KLHL21: variants seen among roughly 807,000 people sequenced by gnomAD.
The protein encoded by KLHL21 is kelch like family member 21.
In KLHL21, 42 loss-of-function variants were observed where a neutral mutation model predicts 44.1. The ratio of observed to expected loss-of-function variants is 0.95; its 90% CI spans 0.74 to 1.23. The LOEUF is 1.23. KLHL21 is among the 50% of genes most tolerant of loss of function. The pLI, the probability that KLHL21 is intolerant of heterozygous loss-of-function variation, is 0.00. For synonymous variants in KLHL21, 524 were observed against 411.6 expected, an observed-to-expected ratio of 1.27 and a Z score of -3.31; for missense variants, 918 against 889.1, an observed-to-expected ratio of 1.03 and a Z score of -0.41.
chr1:6,601,651 A>C, intron 1 of KLHL21, 146 bp downstream of exon 1: 9 of 1,292,178 alleles, frequency 7.0e-6, no homozygotes, highest in South Asian at 1.7e-5. Context: ...AGTATCGCCC[A>C]GAGACATGTA....
Position 6,596,906 on chromosome 1 carries a change from C to T in KLHL21, c.1428-1349G>A, listed in dbSNP as rs188711964. ...GGCTGTGGCCTCCCTGAGAATGGCA[C>T]GTCCTAGGCACAAGCTGCCCAAAGA... On this transcript the variant is annotated intron_variant, in intron 2 of 3. Coordinates refer to ENST00000377658, the MANE Select transcript of KLHL21 (RefSeq NM_014851.4). Among the ~76,000 whole-genome samples the T allele has an allele frequency of 2.5e-3, 381 of 152,336 alleles. 1 individual carries two copies. Among genetic ancestry groups the T allele is most frequent in the African/African-American group, 5.9e-3 (246 of 41,582 alleles).
intron 2 of KLHL21, among the ~76,000 whole-genome samples, chr1:6,598,793 G>A (rs1640965207): frequency 1.3e-5 from 2 of 152,250 alleles, no homozygotes. Context: ...TGAGGCAGGA[G>A]AATGGCGTGA....
At chr1:6,597,075 C>T (rs193280614) in intron 2 of KLHL21, among the ~76,000 whole-genome samples, 1 of 152,372 alleles carries the variant, frequency 6.6e-6, no homozygotes, top group Non-Finnish European at 1.5e-5. Context: ...GCTCAAGCAG[C>T]TTCCACTCAG....
chr1:6,591,005 T>G lies in KLHL21; in HGVS notation c.*2360A>C, dbSNP rs1640840599. 5.0e-6 allele frequency: 2 copies of G among 398,580 alleles called. No homozygotes were observed. Among genetic ancestry groups the G allele is most frequent in the African/African-American group, 4.1e-5 (2 of 48,648 alleles). 24.7% of individuals were successfully genotyped at this position (398,580 alleles called of 1,614,324 possible). On this transcript the variant is annotated 3_prime_UTR_variant, in exon 4 of 4. Transcript: ENST00000377658. ...TGCTGTAGACAAAGTTCTGTACATG[T>G]AACATGTGGCCATGCCCAGGCATCC...
In KLHL21 at chr1:6,593,239, C is replaced by T; in HGVS notation, c.*126G>A. 1 of 1,067,614 alleles carries T rather than the reference C, an allele frequency of 9.4e-7. No individual in the cohort carries two copies. Among genetic ancestry groups the T allele is most frequent in the Non-Finnish European group, 1.3e-6 (1 of 757,812 alleles). The allele number at this position is 1,067,614 out of a possible 1,614,324, so 66.1% of individuals were successfully genotyped here. ...TTCCAGGTAATGGATCCTGGGCTGG[C>T]TTCGCCACCCAAGAGCCTGTGCTCC... On this transcript the variant is annotated 3_prime_UTR_variant, in exon 4 of 4. Transcript: ENST00000377658.
Position 6,599,310 on chromosome 1 carries a change from G to A in KLHL21, c.1164C>T (p.Ala388=), listed in dbSNP as rs754369822. The A allele has an allele frequency of 3.1e-6, 5 of 1,613,934 alleles. No individual in the cohort carries two copies. The highest frequency in any genetic ancestry group is 4.5e-5 in the East Asian group (2 of 44,876). ...GGTCATAGCGCTCGGTGCTGTCGGC[G>A]GCCACCACGTACAGCAGTCCGTCCA... ...SVLDGLLYVV[A]ADSTERYDHT... The change falls in exon 2 of 4, where the codon GCC becomes GCT. Residue 388 remains alanine, a synonymous_variant. Transcript: ENST00000377658.
intron 1 of KLHL21, among the ~76,000 whole-genome samples, chr1:6,600,441 A>AC (rs1185839611): frequency 3.3e-5 from 5 of 152,278 alleles, no homozygotes; most frequent in African/African-American, 7.2e-5. Context: ...ACATGAAGGG[A>AC]CCCCAAGCAT....
intron 3 of KLHL21, chr1:6,594,639 G>A (rs1395951380): frequency 6.6e-6 from 1 of 152,150 alleles, no homozygotes; most frequent in Non-Finnish European, 1.5e-5. Context: ...CTGGGAGATG[G>A]AGCTTGCAGT....
Position 6,602,186 on chromosome 1 carries a change from G to A in KLHL21, c.632C>T (p.Pro211Leu), listed in dbSNP as rs1217866509. ...LALRWVRADP[P>L]RRAAHWPQLL... ...CTGCGGCCAGTGCGCGGCGCGGCGC[G>A]GCGGGTCAGCGCGGACCCAGCGCAG... Residue 211 changes from proline (P) to leucine (L), a missense_variant, in exon 1 of 4, where the codon CCG (proline) becomes CTG (leucine). Pro to Leu is a moderately conservative substitution (Grantham distance 98, BLOSUM62 -3). Transcript: ENST00000377658. The A allele has an allele frequency of 2.8e-6, 4 of 1,442,306 alleles. No individual in the cohort carries two copies. In the Admixed American group the frequency reaches 9.0e-5, roughly 32 times the overall value. The allele number at this position is 1,442,306 out of a possible 1,614,324, so 89.3% of individuals were successfully genotyped here. A position where few individuals can be genotyped will look rare whatever the true frequency, so the allele number is the denominator to read the frequency against.
At position 6,599,263 on chromosome 1, in the gene KLHL21, G is replaced by A. The variant is rs1640976330; in HGVS notation, c.1211C>T (p.Ala404Val). Residue 404 changes from alanine (A) to valine (V), a missense_variant, in exon 2 of 4, where the codon GCC (alanine) becomes GTC (valine). Ala to Val is a moderately conservative substitution (Grantham distance 64). Coordinates refer to ENST00000377658, the MANE Select transcript of KLHL21 (RefSeq NM_014851.4). ...RYDHTTDSWE[A>V]LQPMTYPMDN... ...CATGGGGTAGGTCATGGGCTGCAGG[G>A]CCTCCCAGGAGTCAGTGGTGTGGTC... 2 of 1,614,092 alleles carry A rather than the reference G, an allele frequency of 1.2e-6. No homozygotes were observed. The highest frequency in any genetic ancestry group is 2.2e-5 in the South Asian group (2 of 91,090).
intron 2 of KLHL21, among the ~76,000 whole-genome samples, chr1:6,596,544 G>A (rs946698741): frequency 6.6e-6 from 1 of 152,248 alleles, no homozygotes; most frequent in African/African-American, 2.4e-5. Context: ...GAGCCTGGCT[G>A]TGTGCCAAGA....
At position 6,601,748 on chromosome 1, in the gene KLHL21, C is replaced by G. The variant is rs911007679; in HGVS notation, c.1021+49G>C. On this transcript the variant is annotated intron_variant, in intron 1 of 3. Coordinates refer to ENST00000377658, the MANE Select transcript of KLHL21 (RefSeq NM_014851.4). ...CCCCGCGAATAGCTGGGCTCCCGTA[C>G]CGGCGAGGTTCAACCCCAGAGAGCC... The G allele has an allele frequency of 4.0e-6, 6 of 1,484,698 alleles. No individual in the cohort carries two copies. In the African/African-American group the frequency reaches 5.6e-5, roughly 14 times the overall value. The allele number at this position is 1,484,698 out of a possible 1,614,324, so 92.0% of individuals were successfully genotyped here. A position where few individuals can be genotyped will look rare whatever the true frequency, so the allele number is the denominator to read the frequency against.
intron 2 of KLHL21, among the ~76,000 whole-genome samples, chr1:6,596,470 AAAC>A (rs1254603629): frequency 2.0e-5 from 3 of 152,352 alleles, no homozygotes; most frequent in East Asian, 1.9e-4. Context: ...ACTACAAGAC[AAAC>A]AACAGTAGTT....
At chr1:6,598,210 CGAT>C (rs1640955026) in intron 2 of KLHL21, among the ~76,000 whole-genome samples, 1 of 152,100 alleles carries the variant, frequency 6.6e-6, no homozygotes, top group Non-Finnish European at 1.5e-5. Context: ...AAATGTGAGA[CGAT>C]TGTTTGAAGC....
rs761707240 is a variant in KLHL21 at position 6,602,405 on chromosome 1, C to T, written c.413G>A (p.Cys138Tyr). The T allele has an allele frequency of 6.3e-7, 1 of 1,596,490 alleles. No individual in the cohort carries two copies. Among genetic ancestry groups the T allele is most frequent in the Non-Finnish European group, 8.5e-7 (1 of 1,175,398 alleles). Residue 138 changes from cysteine (C) to tyrosine (Y), a missense_variant, in exon 1 of 4, where the codon TGC becomes TAC. Physicochemically the swap from Cys to Tyr is radical, Grantham distance 194 (BLOSUM62 -2). Transcript: ENST00000377658. ...FLQQQLDLAN[C>Y]LDMQDFAEAF... ...CTCAGCGAAGTCCTGCATGTCCAGG[C>T]AGTTGGCCAGGTCGAGCTGCTGCTG... is the stretch of plus-strand genomic sequence containing the variant.
At chr1:6,600,694 A>T (rs1042806926) in intron 1 of KLHL21, among the ~76,000 whole-genome samples, 1 of 152,256 alleles carries the variant, frequency 6.6e-6, no homozygotes, top group African/African-American at 2.4e-5. Flanking sequence ...AAGGGTGTGC[A>T]GAAAGCTGGG....
At chr1:6,594,629 C>T (rs1265722498) in intron 3 of KLHL21, 1 of 152,174 alleles carries the variant, frequency 6.6e-6, no homozygotes, top group African/African-American at 2.4e-5. Flanking sequence ...TGGCGTGAAC[C>T]TGGGAGATGG....
rs1052972514 is a variant in KLHL21 at position 6,602,204 on chromosome 1, C to G, written c.614G>C (p.Trp205Ser). The G allele has an allele frequency of 2.6e-6, 4 of 1,511,534 alleles. No individual in the cohort carries two copies. The highest frequency in any genetic ancestry group is 3.5e-6 in the Non-Finnish European group (4 of 1,137,270). 93.6% of individuals were successfully genotyped at this position (1,511,534 alleles called of 1,614,324 possible). Residue 205 changes from tryptophan (W) to serine (S), a missense_variant, in exon 1 of 4, where the codon TGG (tryptophan) becomes TCG (serine). Trp to Ser is a radical substitution (Grantham distance 177). Transcript: ENST00000377658. ...GCGGCGCGGCGGGTCAGCGCGGACC[C>G]AGCGCAGCGCCAGCTGGTAGGCGGC... ...EEAAYQLALR[W>S]VRADPPRRAA...
At position 6,602,367 on chromosome 1, in the gene KLHL21, A is replaced by G. The variant is rs1353661587; in HGVS notation, c.451T>C (p.Ser151Pro). Residue 151 changes from serine (S) to proline (P), a missense_variant, in exon 1 of 4, where the codon TCG (serine) becomes CCG (proline). Physicochemically the swap from Ser to Pro is moderately conservative, Grantham distance 74. Transcript: ENST00000377658. The stretch of plus-strand genomic sequence containing the variant: ...CGCTGCGCCGCGCTCGCCAGTCCCG[A>G]GCAGCTGAAGGCCTCAGCGAAGTCC... ...MQDFAEAFSC[S>P]GLASAAQRFI... 1.1e-5 allele frequency: 17 copies of G among 1,581,668 alleles called. No homozygotes were observed. The highest frequency in any genetic ancestry group is 1.7e-5 in the Admixed American group (1 of 57,216).
Sources: allele counts gnomAD v4.1 joint callset (sites outside exome capture counted in the v4.1 genomes callset), GRCh38; gene constraint gnomAD v4.1.1; transcripts MANE v1.5; gene names NCBI Gene and HGNC (gene_info 2026-07-23, HGNC 2026-07-21).